NBR1: variants seen among roughly 807,000 people sequenced by gnomAD.
The protein encoded by NBR1 is NBR1 autophagy cargo receptor, also known as next to BRCA1 gene 1 protein.
In NBR1, 59 loss-of-function variants were observed where a neutral mutation model predicts 115.5. That is an observed-to-expected ratio of 0.51 (90% CI 0.41 to 0.63). NBR1 has a LOEUF of 0.63. Ranked by LOEUF, NBR1 falls within the 30% of genes least tolerant of loss-of-function variation. The probability of loss-of-function intolerance (pLI) is 0.00; values close to 1 mark genes in which losing one functional copy is unlikely to be tolerated. For missense variants in NBR1, 1,043 were observed against 1,150.5 expected, an observed-to-expected ratio of 0.91 and a Z score of 1.35; for synonymous variants, 373 against 414.7, an observed-to-expected ratio of 0.90 and a Z score of 1.22.
rs781077413 is a variant in NBR1 at position 43,190,713 on chromosome 17, C to G, written c.800C>G (p.Ser267Cys). The G allele has an allele frequency of 1.1e-5, 17 of 1,613,876 alleles. No individual in the cohort carries two copies. The highest frequency in any genetic ancestry group is 2.7e-5 in the African/African-American group (2 of 74,948). The change falls in exon 9 of 21, where the codon TCT (serine) becomes TGT (cysteine). Residue 267 changes from serine to cysteine, a missense_variant. By Grantham distance (112) the Ser-to-Cys change is moderately radical (BLOSUM62 -1). Coordinates refer to ENST00000590996, the MANE Select transcript of NBR1 (RefSeq NM_005899.5). ...LKLRRPVVGS[S>C]EPFCHSKYST... The stretch of plus-strand genomic sequence containing the variant: ...TTGCGGAGACCTGTTGTGGGCTCCT[C>G]TGAACCGTTCTGTCACTCAAAGTAC...
intron 2 of NBR1, among the ~76,000 whole-genome samples, chr17:43,177,518 G>T (rs1342276968): frequency 6.7e-6 from 1 of 149,192 alleles, no homozygotes; most frequent in Non-Finnish European, 1.5e-5. Context: ...TGACAACACT[G>T]GATGTTATGG....
intron 2 of NBR1, 173 bp downstream of exon 2, chr17:43,176,074 C>T (rs2056509300): frequency 4.1e-6 from 2 of 489,928 alleles, no homozygotes; most frequent in Admixed American, 3.9e-5. Flanking sequence ...TGAGATGTGC[C>T]CCAATAAAGG....
At chr17:43,183,767 C>G (rs1172482553) in intron 5 of NBR1, among the ~76,000 whole-genome samples, 1 of 151,816 alleles carries the variant, frequency 6.6e-6, no homozygotes, top group Non-Finnish European at 1.5e-5. Flanking sequence ...TCAAGCAATT[C>G]TCATACCTCA....
intron 19 of NBR1, 77 bp downstream of exon 19, chr17:43,202,789 A>C: frequency 6.2e-6 from 7 of 1,136,626 alleles, no homozygotes; most frequent in East Asian, 2.6e-5. Context: ...AGAGCCTCTC[A>C]CAGTATGTAC....
intron 5 of NBR1, among the ~76,000 whole-genome samples, chr17:43,185,024 G>A (rs2056766254): frequency 2.0e-5 from 3 of 151,212 alleles, no homozygotes; most frequent in African/African-American, 7.3e-5. Context: ...GGGAGGTGGA[G>A]TTTGCAGTGA....
chr17:43,187,333 A>T (rs2056833331), intron 6 of NBR1, among the ~76,000 whole-genome samples: 1 of 151,918 alleles, frequency 6.6e-6, no homozygotes, highest in Non-Finnish European at 1.5e-5. Context: ...GGCACCTGCC[A>T]CTACGCCCAG....
chr17:43,210,874 AG>A lies in NBR1; in HGVS notation c.*801del. ...AAAAATCCCGTTATTTAAAGGGAAA[AG>A]TAAATTTAACAGTTGCCTTTTTTCT... On this transcript the variant is annotated 3_prime_UTR_variant, in exon 21 of 21. Transcript: ENST00000590996. The A allele has an allele frequency of 2.5e-6, 1 of 396,892 alleles. No individual in the cohort carries two copies. The highest frequency in any genetic ancestry group is 3.6e-5 in the East Asian group (1 of 27,980). 24.6% of individuals were successfully genotyped at this position (396,892 alleles called of 1,614,324 possible).
In NBR1 at chr17:43,200,567, C is replaced by T. The variant is rs774711622; in HGVS notation, c.2427C>T (p.Pro809=). The T allele has an allele frequency of 1.2e-6, 2 of 1,612,612 alleles. No homozygotes were observed. The highest frequency in any genetic ancestry group is 8.5e-7 in the Non-Finnish European group (1 of 1,178,880). The change falls in exon 17 of 21, where the codon CCC becomes CCT. Residue 809 remains proline (P), a synonymous_variant. Transcript: ENST00000590996. The stretch of plus-strand genomic sequence containing the variant: ...CCTCACAGACTCTGGAAACAGTGCC[C>T]CTAATCCCAGAGGTAGTGGAGCTTC... ...LTTSQTLETV[P]LIPEVVELPP...
Position 43,211,062 on chromosome 17 carries a change from C to G in NBR1, c.*988C>G, listed in dbSNP as rs1305794355. 1 of 207,170 alleles carries G rather than the reference C, an allele frequency of 4.8e-6. No homozygotes were observed. The highest frequency in any genetic ancestry group is 9.6e-6 in the Non-Finnish European group (1 of 104,638). 12.8% of individuals were successfully genotyped at this position (207,170 alleles called of 1,614,324 possible). On this transcript the variant is annotated 3_prime_UTR_variant, in exon 21 of 21. Transcript: ENST00000590996. ...GATGACTTCTTTAATGCTTGAAGTC[C>G]GTTCACAGGTATCTAGCCCTAGAAT...
chr17:43,186,300 C>T lies in NBR1; in HGVS notation c.258C>T (p.His86=). ...TGCAGATGCAAGTCCACGAAGGGCA[C>T]CATGTCGTTGATGAAGCCCCACCCC... ...NQLQMQVHEG[H]HVVDEAPPPV... The change falls in exon 6 of 21, where the codon CAC becomes CAT. Residue 86 remains histidine (H), a synonymous_variant. Coordinates refer to ENST00000590996, the MANE Select transcript of NBR1 (RefSeq NM_005899.5). The T allele has an allele frequency of 6.3e-7, 1 of 1,588,828 alleles. No individual in the cohort carries two copies. The highest frequency in any genetic ancestry group is 8.6e-7 in the Non-Finnish European group (1 of 1,167,588).
At position 43,175,906 on chromosome 17, in the gene NBR1, G is replaced by A; in HGVS notation, c.102+5G>A. 1 of 1,511,454 alleles carries A rather than the reference G, an allele frequency of 6.6e-7. No homozygotes were observed. The highest frequency in any genetic ancestry group is 2.3e-5 in the East Asian group (1 of 44,292). 93.6% of individuals were successfully genotyped at this position (1,511,454 alleles called of 1,614,324 possible). ...TGGGCTGATATCGAAGCTATGGTGAGTGTTACTTTATTTTGTTTCTCCTTG... is the reference window on the plus strand; with the variant it reads ...TGGGCTGATATCGAAGCTATGGTGAATGTTACTTTATTTTGTTTCTCCTTG... On this transcript the variant is annotated splice_donor_5th_base_variant and intron_variant, in intron 2 of 20. Transcript: ENST00000590996.
intron 5 of NBR1, 32 bp from the exon 6 acceptor site, chr17:43,186,218 G>A (rs1438414973): frequency 5.9e-6 from 9 of 1,519,626 alleles, no homozygotes; most frequent in African/African-American, 1.4e-5. Context: ...TAATCACGTC[G>A]CATGTTTTTG....
rs1438649818 is a variant in NBR1 at position 43,200,266 on chromosome 17, A to C, written c.2126A>C (p.Glu709Ala). ...GTCATGGAGGAGGAGGAGGATGAGG[A>C]GGATGAGGAGGAGGAGGATGAGCTC... ...EAVMEEEEDE[E>A]DEEEEDELKD... Residue 709 changes from glutamate to alanine, a missense_variant, in exon 17 of 21, where the codon GAG (glutamate) becomes GCG (alanine). Glu to Ala is a moderately radical substitution (Grantham distance 107, BLOSUM62 -1). Coordinates refer to ENST00000590996, the MANE Select transcript of NBR1 (RefSeq NM_005899.5). The C allele has an allele frequency of 4.5e-6, 7 of 1,551,484 alleles. No individual in the cohort carries two copies. Among genetic ancestry groups the C allele is most frequent in the Non-Finnish European group, 5.2e-6 (6 of 1,146,792 alleles).
intron 10 of NBR1, among the ~76,000 whole-genome samples, chr17:43,192,438 G>A (rs1470112668): frequency 2.0e-5 from 3 of 151,754 alleles, no homozygotes; most frequent in African/African-American, 4.8e-5. Flanking sequence ...GCGCGATCTC[G>A]GCTCACTGCA....
chr17:43,191,628 C>T (rs779495690), intron 10 of NBR1, 47 bp downstream of exon 10: 3 of 1,345,268 alleles, frequency 2.2e-6, no homozygotes, highest in Admixed American at 4.8e-5. Context: ...GCCCAGCTCT[C>T]TGAAACTGGA....
rs1383714132 is a variant in NBR1 at position 43,189,672 on chromosome 17, G to C, written c.565G>C (p.Gly189Arg). ...EKLVLQNPSL[G>R]SCPSEVSMPT... is the part of the protein sequence containing the mutation. ...GCTTGTCCTCCAGAACCCATCCTTG[G>C]GTTCTTGTCCCTCAGAAGTCTCAAT... The change falls in exon 8 of 21, where the codon GGT (glycine) becomes CGT (arginine). Residue 189 changes from glycine to arginine, a missense_variant. Coordinates refer to ENST00000590996, the MANE Select transcript of NBR1 (RefSeq NM_005899.5). 1.2e-6 allele frequency: 2 copies of C among 1,613,932 alleles called. No individual in the cohort carries two copies. The highest frequency in any genetic ancestry group is 3.3e-5 in the Admixed American group (2 of 60,016).
intron 7 of NBR1, among the ~76,000 whole-genome samples, chr17:43,189,383 A>G (rs1443477465): frequency 6.6e-6 from 1 of 152,208 alleles, no homozygotes; most frequent in East Asian, 1.9e-4. Context: ...TTACTTATCA[A>G]AAGGATGTTT....
At chr17:43,196,434 TA>T (rs1265521988) in intron 14 of NBR1, 46 bp from the exon 15 acceptor site, 1 of 1,168,854 alleles carries the variant, frequency 8.6e-7, no homozygotes, top group South Asian at 1.5e-5. Context: ...CTGTTGATGA[TA>T]TGATGCTTTC....
At chr17:43,191,310 T>C (rs1310566471) in intron 9 of NBR1, 62 bp from the exon 10 acceptor site, 3 of 1,253,650 alleles carry the variant, frequency 2.4e-6, no homozygotes, top group Non-Finnish European at 3.4e-6. Flanking sequence ...TGCAATTGGC[T>C]CCACATAGCT....
Sources: allele counts gnomAD v4.1 joint callset (sites outside exome capture counted in the v4.1 genomes callset), GRCh38; gene constraint gnomAD v4.1.1; transcripts MANE v1.5; gene names NCBI Gene and HGNC (gene_info 2026-07-23, HGNC 2026-07-21).